ANO1: variants seen among roughly 807,000 people sequenced by gnomAD.
The protein encoded by ANO1 is anoctamin 1.
In ANO1, 59 loss-of-function variants were observed where a neutral mutation model predicts 124.0. The observed-to-expected ratio is 0.48, with a 90% CI of 0.39 to 0.59. ANO1 has a LOEUF of 0.59. Ranked by LOEUF, ANO1 falls within the 20% of genes least tolerant of loss-of-function variation. The probability of loss-of-function intolerance (pLI) is 0.00; values close to 1 mark genes in which losing one functional copy is unlikely to be tolerated. For missense variants in ANO1, 1,059 were observed against 1,328.0 expected (o/e 0.80, Z 3.15); for synonymous variants, 529 against 532.0 (o/e 0.99, Z 0.08).
At chr11:69,966,175 A>T in the ANO1 span, among the ~76,000 whole-genome samples, 2 of 152,198 alleles carry the variant, frequency 1.3e-5, no homozygotes, top group African/African-American at 4.8e-5. Flanking sequence ...GCTGTGAAAC[A>T]GGGCCACCTG....
chr11:70,155,495 T>C (rs888815759), intron 14 of ANO1, among the ~76,000 whole-genome samples: 9 of 152,200 alleles, frequency 5.9e-5, no homozygotes, highest in Non-Finnish European at 8.8e-5. Context: ...ACTGAATTCA[T>C]TTATGGAAAG....
At chr11:69,974,904 A>G in the ANO1 span, among the ~76,000 whole-genome samples, 1 of 149,680 alleles carries the variant, frequency 6.7e-6, no homozygotes, top group Non-Finnish European at 1.5e-5. Context: ...AAAAAAAAAA[A>G]AAAGAAGAGA....
At chr11:70,053,382 T>A (rs61886434) in intron 1 of ANO1, among the ~76,000 whole-genome samples, 2,012 of 152,350 alleles carry the variant, frequency 0.013, 17 homozygotes, top group Non-Finnish European at 0.016. Flanking sequence ...TTTCAATACC[T>A]TACTATTTAA....
intron 1 of ANO1, among the ~76,000 whole-genome samples, chr11:70,070,508 C>A (rs1348979727): frequency 1.2e-4 from 19 of 152,086 alleles, no homozygotes; most frequent in Non-Finnish European, 1.5e-5. Flanking sequence ...CATGGTGAAA[C>A]CCGGTCTCTA....
chr11:70,176,423 A>G (rs1372845902), intron 22 of ANO1, among the ~76,000 whole-genome samples: 1 of 152,204 alleles, frequency 6.6e-6, no homozygotes, highest in African/African-American at 2.4e-5. Flanking sequence ...CTGGGATTAC[A>G]GGCATGAGCC....
the ANO1 span, among the ~76,000 whole-genome samples, chr11:69,967,933 A>G: frequency 6.6e-6 from 1 of 152,144 alleles, no homozygotes; most frequent in East Asian, 1.9e-4. Context: ...ATTTTCAGCA[A>G]CACTCATGGA....
chr11:70,000,154 C>T (rs1376078164), intron 1 of ANO1, among the ~76,000 whole-genome samples: 5 of 152,122 alleles, frequency 3.3e-5, no homozygotes, highest in African/African-American at 1.2e-4. Flanking sequence ...GGGGACATAG[C>T]TACCCAAAAT....
chr11:69,991,024 A>G (rs1554997411), intron 1 of ANO1, among the ~76,000 whole-genome samples: 3 of 152,180 alleles, frequency 2.0e-5, no homozygotes, highest in African/African-American at 4.8e-5. Context: ...AGTCATCTCT[A>G]AGAATCCATT....
At chr11:70,012,622 T>A (rs1243748992) in intron 1 of ANO1, among the ~76,000 whole-genome samples, 3 of 151,658 alleles carry the variant, frequency 2.0e-5, no homozygotes, top group Admixed American at 6.6e-5. Context: ...ATCCCCTTTG[T>A]CTAGTCATCC....
At chr11:70,181,578 G>A (rs1345388778) in intron 23 of ANO1, among the ~76,000 whole-genome samples, 3 of 152,216 alleles carry the variant, frequency 2.0e-5, no homozygotes, top group South Asian at 2.1e-4. Context: ...AACAAGCGGC[G>A]CTGTGAGCAG....
In ANO1 at chr11:69,998,323, C is replaced by T. The variant is rs919748442; in HGVS notation, c.58+12157C>T. The stretch of plus-strand genomic sequence containing the variant: ...GGCCTCTTGCCCCTTCCCCACCAAT[C>T]CCCCCGCCCCATTGCCCCATGGCAT... On this transcript the variant is annotated intron_variant, in intron 1 of 27. Transcript: ENST00000531349. Among the ~76,000 whole-genome samples the T allele has an allele frequency of 4.7e-5, 7 of 149,512 alleles. No homozygotes were observed. In the South Asian group the frequency reaches 1.1e-3, roughly 24 times the overall value.
chr11:70,116,692 G>GT lies in ANO1; in HGVS notation c.897+196dup, dbSNP rs2045989563. On this transcript the variant is annotated intron_variant, in intron 8 of 25. Coordinates refer to ENST00000355303, the MANE Select transcript of ANO1 (RefSeq NM_018043.7). The stretch of plus-strand genomic sequence containing the variant: ...AAAGTCCGTGAGCTTTGTGTGGCTG[G>GT]TTTGTTTTCCTCTTTCTGATTGTCA... 9 of 569,016 alleles carry GT rather than the reference G, an allele frequency of 1.6e-5. No individual in the cohort carries two copies. In the South Asian group the frequency reaches 1.9e-4, roughly 12 times the overall value. 35.2% of individuals were successfully genotyped at this position (569,016 alleles called of 1,614,324 possible). A position where few individuals can be genotyped will look rare whatever the true frequency, so the allele number is the denominator to read the frequency against.
chr11:70,149,776 G>T lies in ANO1; in HGVS notation c.1325G>T (p.Gly442Val), dbSNP rs775978907. Residue 442 changes from glycine (G) to valine (V), a missense_variant, in exon 12 of 26, where the codon GGC (glycine) becomes GTC (valine). Gly to Val is a moderately radical substitution (Grantham distance 109). This residue lies in a region of ANO1 where 809 missense variants were observed against 1,094.9 expected (regional missense o/e 0.74). Coordinates refer to ENST00000355303, the MANE Select transcript of ANO1 (RefSeq NM_018043.7). Reference protein sequence around the residue: ...MRLNYRWDLTGFEEEEEAVKD... With the variant: ...MRLNYRWDLTVFEEEEEAVKD... ...CTCAACTACCGCTGGGACCTCACGG[G>T]CTTTGAAGAGGAAGAGGTCAGTGGG... 6.2e-7 allele frequency: 1 copy of T among 1,613,778 alleles called. No individual in the cohort carries two copies. Among genetic ancestry groups the T allele is most frequent in the Admixed American group, 1.7e-5 (1 of 59,996 alleles).
upstream of ANO1, chr11:70,075,302 T>C (rs1238925575): frequency 6.6e-6 from 1 of 152,182 alleles, no homozygotes; most frequent in Non-Finnish European, 1.5e-5. Flanking sequence ...GACAGCTTGT[T>C]GGTCTGCGCT....
chr11:70,187,893 G>C lies in ANO1; in HGVS notation c.2850G>C (p.Glu950Asp). Residue 950 changes from glutamate (E) to aspartate (D), a missense_variant, in exon 26 of 26, where the codon GAG (glutamate) becomes GAC (aspartate). Glu to Asp is a conservative substitution (Grantham distance 45). Transcript: ENST00000355303. ...AGCAGCTGCTGGAAACCTGGATGGA[G>C]AAGGAGCGGCAGAAGGACGAGCCGC... ...DKQQLLETWMEKERQKDEPPC... is the reference protein window; with the variant it reads ...DKQQLLETWMDKERQKDEPPC... 6.2e-7 allele frequency: 1 copy of C among 1,601,250 alleles called. No homozygotes were observed. Among genetic ancestry groups the C allele is most frequent in the Non-Finnish European group, 8.5e-7 (1 of 1,174,594 alleles).
At chr11:70,101,438 C>T (rs910411906) in intron 2 of ANO1, among the ~76,000 whole-genome samples, 9 of 151,838 alleles carry the variant, frequency 5.9e-5, no homozygotes, top group African/African-American at 2.2e-4. Context: ...TGCCTGTAAT[C>T]CCAGCTACTC....
chr11:70,173,456 T>C lies in ANO1; in HGVS notation c.2350+2417T>C, dbSNP rs142763966. Among the ~76,000 whole-genome samples, 655 of 152,300 alleles carry C rather than the reference T, an allele frequency of 4.3e-3. 4 individuals are homozygous for C. The highest frequency in any genetic ancestry group is 0.011 in the African/African-American group (450 of 41,564). Reference sequence around the variant, plus strand: ...AAAATTTCAAAGGCTTTAAAAGCCATGAGCTAACCAACCCTCCGAAGACCC... The same window carrying C: ...AAAATTTCAAAGGCTTTAAAAGCCACGAGCTAACCAACCCTCCGAAGACCC... On this transcript the variant is annotated intron_variant, in intron 22 of 25. Coordinates refer to ENST00000355303, the MANE Select transcript of ANO1 (RefSeq NM_018043.7).
chr11:70,040,817 T>A (rs530492857), intron 1 of ANO1, among the ~76,000 whole-genome samples: 1 of 152,380 alleles, frequency 6.6e-6, no homozygotes, highest in South Asian at 2.1e-4. Context: ...TGAAGCCATC[T>A]GAAGGCCAGG....
At chr11:70,137,589 C>A (rs1436920706) in intron 11 of ANO1, among the ~76,000 whole-genome samples, 1 of 145,872 alleles carries the variant, frequency 6.9e-6, no homozygotes, top group Non-Finnish European at 1.5e-5. Context: ...ATCCACCCAG[C>A]GGGGCCCGGC....
Sources: allele counts gnomAD v4.1 joint callset (sites outside exome capture counted in the v4.1 genomes callset), GRCh38; gene constraint gnomAD v4.1.1; regional missense constraint gnomAD v4.1.1; transcripts MANE v1.5; gene names NCBI Gene and HGNC (gene_info 2026-07-23, HGNC 2026-07-21).